ARHGEF28: variants seen among roughly 807,000 people sequenced by gnomAD.
ARHGEF28 encodes the protein Rho guanine nucleotide exchange factor 28, also known as 190 kDa guanine nucleotide exchange factor.
Under a neutral mutation model 206.6 loss-of-function variants are expected in ARHGEF28, and 152 were observed. The observed-to-expected ratio is 0.74, with a 90% CI of 0.64 to 0.84. The LOEUF is 0.84. ARHGEF28 is among the 40% of genes least tolerant of loss of function. The pLI is 0.00. For synonymous variants in ARHGEF28, 763 were observed against 776.4 expected (o/e 0.98, Z 0.29); for missense variants, 2,028 against 2,073.2 (o/e 0.98, Z 0.42).
chr5:73,659,234 A>G (rs1561314865), intron 1 of ARHGEF28, among the ~76,000 whole-genome samples: 8 of 152,236 alleles, frequency 5.3e-5, no homozygotes. Context: ...GTAGTACAGA[A>G]TATGAACTTA....
At chr5:73,705,957 C>T (rs981957062) in intron 2 of ARHGEF28, among the ~76,000 whole-genome samples, 9 of 152,260 alleles carry the variant, frequency 5.9e-5, no homozygotes, top group Middle Eastern at 6.8e-3. Context: ...GAGCACGTGG[C>T]GGTGTTCAGC....
chr5:73,726,466 G>C (rs1451120864), intron 2 of ARHGEF28, among the ~76,000 whole-genome samples: 1 of 152,224 alleles, frequency 6.6e-6, no homozygotes, highest in African/African-American at 2.4e-5. Context: ...AGCATTTAAA[G>C]AGAATCTAAA....
At chr5:73,742,139 CTTGGT>C (rs1751471997) in intron 2 of ARHGEF28, among the ~76,000 whole-genome samples, 1 of 151,772 alleles carries the variant, frequency 6.6e-6, no homozygotes, top group Non-Finnish European at 1.5e-5. Context: ...CTAGCTTTTT[CTTGGT>C]TAGTTTTGCA....
chr5:73,843,420 G>A (rs1199614593), intron 11 of ARHGEF28, among the ~76,000 whole-genome samples: 1 of 152,216 alleles, frequency 6.6e-6, no homozygotes, highest in Admixed American at 6.5e-5. Flanking sequence ...AATGAAGGGA[G>A]AGAAGTCGCA....
At chr5:73,671,257 G>A (rs986280035) in intron 1 of ARHGEF28, among the ~76,000 whole-genome samples, 16 of 152,130 alleles carry the variant, frequency 1.1e-4, no homozygotes, top group Admixed American at 6.5e-5. Flanking sequence ...ACAAAAGTAA[G>A]AGCAAGTTTC....
chr5:73,888,590 A>G (rs1761442740), intron 26 of ARHGEF28, among the ~76,000 whole-genome samples: 1 of 152,218 alleles, frequency 6.6e-6, no homozygotes, highest in Non-Finnish European at 1.5e-5. Context: ...AAGACCTAAA[A>G]GAAAAGCAAA....
At chr5:73,906,875 A>G (rs1455740858) in intron 33 of ARHGEF28, among the ~76,000 whole-genome samples, 1 of 152,118 alleles carries the variant, frequency 6.6e-6, no homozygotes, top group East Asian at 1.9e-4. Context: ...TGGTAAACTC[A>G]TTGAACTTTA....
intron 2 of ARHGEF28, among the ~76,000 whole-genome samples, chr5:73,741,293 G>A (rs1448556790): frequency 2.0e-5 from 3 of 149,070 alleles, no homozygotes; most frequent in Non-Finnish European, 1.5e-5. Context: ...ATTTGATACT[G>A]GTGAATCATT....
At chr5:73,762,373 A>G (rs1489807693) in intron 4 of ARHGEF28, among the ~76,000 whole-genome samples, 4 of 149,782 alleles carry the variant, frequency 2.7e-5, no homozygotes, top group African/African-American at 7.3e-5. Flanking sequence ...GGAGAATTGC[A>G]TGAACCCAGG....
At chr5:73,806,438 A>G (rs1236651197) in intron 9 of ARHGEF28, among the ~76,000 whole-genome samples, 1 of 129,026 alleles carries the variant, frequency 7.8e-6, no homozygotes, top group Non-Finnish European at 1.6e-5. Context: ...TATAGTATGT[A>G]TATAGTATAT....
chr5:73,877,796 A>G (rs1311044563), intron 22 of ARHGEF28, among the ~76,000 whole-genome samples: 2 of 151,992 alleles, frequency 1.3e-5, no homozygotes, highest in Non-Finnish European at 2.9e-5. Context: ...ACAGTTTGTT[A>G]TAATTTCTGT....
chr5:73,787,482 C>T (rs757504328), intron 7 of ARHGEF28, among the ~76,000 whole-genome samples: 1 of 152,132 alleles, frequency 6.6e-6, no homozygotes, highest in Non-Finnish European at 1.5e-5. Context: ...TGGTTTGCTG[C>T]ACCCCTCAAC....
rs1178875010 is a variant in ARHGEF28, at chr5:73,706,481, T to TCACA, written c.33+21598_33+21601dup. Among the ~76,000 whole-genome samples the TCACA allele has an allele frequency of 5.3e-5, 8 of 152,254 alleles. No homozygotes were observed. In the East Asian group the frequency reaches 9.7e-4, roughly 18 times the overall value. On this transcript the variant is annotated intron_variant, in intron 2 of 35. Coordinates refer to ENST00000513042, the MANE Select transcript of ARHGEF28 (RefSeq NM_001177693.2). ...AAAAGAGTCTATTGAAGTTCATGTA[T>TCACA]CACAATTAGTTTGTTTTCTCACTTG...
chr5:73,718,851 C>A (rs886763923), intron 2 of ARHGEF28, among the ~76,000 whole-genome samples: 3 of 152,184 alleles, frequency 2.0e-5, no homozygotes, highest in African/African-American at 7.2e-5. Context: ...CCATCCACAC[C>A]GCACTAGAAC....
rs72772509 is a variant in ARHGEF28 at position 73,832,721 on chromosome 5, C to T, written c.1146+262C>T. ...CTGCCAAATGGGAAGAGTGTGAGAG[C>T]TCTTCTTCGGGGCCCAAGTAGGAAA... On this transcript the variant is annotated intron_variant, in intron 10 of 35. Coordinates refer to ENST00000513042, the MANE Select transcript of ARHGEF28 (RefSeq NM_001177693.2). Among the ~76,000 whole-genome samples the T allele has an allele frequency of 0.06, 9,171 of 152,124 alleles. 436 individuals are homozygous for T. The highest frequency in any genetic ancestry group is 0.12 in the African/African-American group (5,086 of 41,454).
intron 7 of ARHGEF28, among the ~76,000 whole-genome samples, chr5:73,783,630 A>G (rs578258175): frequency 2.6e-4 from 39 of 152,214 alleles, no homozygotes; most frequent in African/African-American, 9.4e-4. Context: ...GCAGTGTGAC[A>G]AGATGGGAGA....
At chr5:73,806,372 CT>C (rs1476362819) in intron 9 of ARHGEF28, among the ~76,000 whole-genome samples, 1 of 29,732 alleles carries the variant, frequency 3.4e-5, no homozygotes, top group African/African-American at 3.4e-4. Flanking sequence ...TCTATATATA[CT>C]ATATATAGAT....
chr5:73,800,719 T>G (rs530461301), intron 9 of ARHGEF28, among the ~76,000 whole-genome samples: 1 of 152,140 alleles, frequency 6.6e-6, no homozygotes, highest in South Asian at 2.1e-4. Flanking sequence ...CAATAGGATA[T>G]GAGGTTCAGA....
chr5:73,806,373 TATATATAGATATATAGATATATATAC>T (rs1488942226), intron 9 of ARHGEF28, among the ~76,000 whole-genome samples: 1 of 30,280 alleles, frequency 3.3e-5, no homozygotes. Context: ...CTATATATAC[TATATATAGATATATAGATATATATAC>T]ATATATAGAT....
Sources: gnomAD v4.1 joint callset for allele counts (sites outside exome capture counted in the v4.1 genomes callset) on GRCh38, gnomAD v4.1.1 for gene constraint, MANE v1.5 for transcripts, NCBI Gene and HGNC (gene_info 2026-07-23, HGNC 2026-07-21) for gene names.